The following ANK2 variants were observed in gnomAD, a reference collection of about 807,000 sequenced individuals.
ANK2 encodes the protein ankyrin-2.
ANK2 carries 83 observed loss-of-function variants against 360.5 expected under a neutral mutation model. The ratio of observed to expected loss-of-function variants is 0.23; its 90% confidence interval spans 0.19 to 0.28. The LOEUF (loss-of-function observed/expected upper bound fraction) is 0.28, where lower values mean the gene tolerates loss of function less well. Among genes scored for constraint, ANK2 ranks in the 10% least tolerant of loss-of-function variants. The pLI, the probability that ANK2 is intolerant of heterozygous loss-of-function variation, is 1.00. For missense variants in ANK2, 4,201 were observed against 4,795.7 expected (o/e 0.88, Z 3.66); for synonymous variants, 1,740 against 1,759.5 (o/e 0.99, Z 0.28).
intron 2 of ANK2, among the ~76,000 whole-genome samples, chr4:112,913,148 A>G: frequency 6.6e-6 from 1 of 152,224 alleles, no homozygotes; most frequent in East Asian, 1.9e-4. Context: ...TGCTAGGATC[A>G]ATCCCATTCT....
intron 2 of ANK2, among the ~76,000 whole-genome samples, chr4:112,968,455 T>C (rs1484974228): frequency 6.6e-6 from 1 of 152,252 alleles, no homozygotes; most frequent in Non-Finnish European, 1.5e-5. Context: ...GAATTGTTCA[T>C]GGAACTCTGG....
At chr4:113,031,176 T>C (rs1030087804) in intron 2 of ANK2, 8 of 152,072 alleles carry the variant, frequency 5.3e-5, no homozygotes, top group African/African-American at 1.7e-4. Context: ...TTAAAATATA[T>C]TACAAATTTT....
intron 1 of ANK2, among the ~76,000 whole-genome samples, chr4:113,150,727 C>T (rs1048244808): frequency 6.6e-6 from 1 of 152,174 alleles, no homozygotes; most frequent in Non-Finnish European, 1.5e-5. Flanking sequence ...GGGAAGTTCA[C>T]ACACTCAGTA....
chr4:113,111,614 A>G (rs2094309726), intron 1 of ANK2, among the ~76,000 whole-genome samples: 1 of 152,206 alleles, frequency 6.6e-6, no homozygotes, highest in African/African-American at 2.4e-5. Context: ...AAACACGGCA[A>G]TAAATAGAGG....
At chr4:112,961,366 G>A (rs1214393678) in intron 2 of ANK2, among the ~76,000 whole-genome samples, 1 of 151,946 alleles carries the variant, frequency 6.6e-6, no homozygotes, top group African/African-American at 2.4e-5. Flanking sequence ...ATTATTTATT[G>A]TTTCTATCTC....
chr4:113,367,328 C>T (rs2096572743), intron 41 of ANK2, among the ~76,000 whole-genome samples: 1 of 152,014 alleles, frequency 6.6e-6, no homozygotes, highest in Admixed American at 6.6e-5. Context: ...CATTGACTGG[C>T]ACCTATGACC....
chr4:112,959,121 A>T (rs2033236636), intron 2 of ANK2, among the ~76,000 whole-genome samples: 1 of 152,074 alleles, frequency 6.6e-6, no homozygotes, highest in African/African-American at 2.4e-5. Flanking sequence ...AAGTGCTGGG[A>T]TTACACACGT....
At chr4:113,254,023 G>C (rs567577703) in intron 10 of ANK2, among the ~76,000 whole-genome samples, 1 of 152,204 alleles carries the variant, frequency 6.6e-6, no homozygotes, top group East Asian at 1.9e-4. Context: ...CAATATATTT[G>C]CACTTGCCTT....
chr4:113,140,515 T>G (rs978403964), intron 1 of ANK2, among the ~76,000 whole-genome samples: 1 of 152,250 alleles, frequency 6.6e-6, no homozygotes, highest in African/African-American at 2.4e-5. Context: ...AGAGAAACTC[T>G]ACATGACCTT....
At chr4:112,934,442 C>G (rs543541226) in intron 2 of ANK2, among the ~76,000 whole-genome samples, 20 of 152,294 alleles carry the variant, frequency 1.3e-4, no homozygotes, top group Admixed American at 1.2e-3. Flanking sequence ...TCTCGACATT[C>G]TTTTCTTCTC....
chr4:113,151,717 G>T (rs1406145597), intron 1 of ANK2, among the ~76,000 whole-genome samples: 3 of 151,980 alleles, frequency 2.0e-5, no homozygotes, highest in Admixed American at 6.6e-5. Context: ...TTCTTGAATT[G>T]TTATTCTCTA....
chr4:113,185,786 T>G (rs549309909), intron 2 of ANK2, among the ~76,000 whole-genome samples: 1 of 152,376 alleles, frequency 6.6e-6, no homozygotes, highest in East Asian at 1.9e-4. Flanking sequence ...TCTTTGTCCA[T>G]GCCTATGTCC....
rs67221812 is a variant in ANK2, at chr4:113,213,955, A to ATT, written c.384+14857_384+14858dup. Reference sequence around the variant, plus strand: ...GAAACGACAAAATGCTGTTTTATTTATTTTTTTTTTTTATTTTTTTTTTAA... The same window carrying ATT: ...GAAACGACAAAATGCTGTTTTATTTATTTTTTTTTTTTTTATTTTTTTTTTAA... On this transcript the variant is annotated intron_variant, in intron 4 of 45. Transcript: ENST00000357077. 153 of 496,308 alleles carry ATT rather than the reference A, an allele frequency of 3.1e-4. 3 individuals carry two copies. The highest frequency in any genetic ancestry group is 1.5e-3 in the South Asian group (64 of 44,052). The allele number at this position is 496,308 out of a possible 1,614,324, so 30.7% of individuals were successfully genotyped here.
intron 1 of ANK2, among the ~76,000 whole-genome samples, chr4:113,081,842 G>A (rs373479083): frequency 3.4e-5 from 5 of 148,066 alleles, no homozygotes; most frequent in Non-Finnish European, 5.9e-5. Context: ...GGAGTTTTGC[G>A]CTTGTCAACT....
intron 3 of ANK2, 75 bp downstream of exon 3, chr4:113,196,541 T>A (rs1285080850): frequency 7.6e-7 from 1 of 1,314,356 alleles, no homozygotes; most frequent in African/African-American, 1.5e-5. Context: ...TTTTTATTTA[T>A]TTTTTAGACA....
the ANK2 span, among the ~76,000 whole-genome samples, chr4:112,772,329 T>C: frequency 6.6e-6 from 1 of 152,192 alleles, no homozygotes; most frequent in African/African-American, 2.4e-5. Flanking sequence ...ACTTATTTAC[T>C]ACTATGAGAA....
intron 2 of ANK2, among the ~76,000 whole-genome samples, chr4:112,941,467 TTATA>T (rs1232347628): frequency 2.1e-5 from 3 of 143,726 alleles, no homozygotes; most frequent in African/African-American, 5.0e-5. Flanking sequence ...AAATATATCT[TTATA>T]TATAGATATA....
rs1249480628 is a variant in ANK2 at position 113,357,671 on chromosome 4, C to A, written c.9053C>A (p.Thr3018Asn). The change falls in exon 38 of 46, where the codon ACT becomes AAT. Residue 3018 changes from threonine (T) to asparagine (N), a missense_variant. Around this residue, in one of 4 missense-constraint regions of ANK2, gnomAD observed 2,642 missense variants for 2,714.5 expected, o/e 0.97. Transcript: ENST00000357077. ...SDSVSSSFEPTMSATTTVVGE... is the reference protein window; with the variant it reads ...SDSVSSSFEPNMSATTTVVGE... ...AGTGTCTCTTCATCTTTCGAGCCTA[C>A]TATGTCCGCTACAACAACAGTTGTT... 1 of 1,614,050 alleles carries A rather than the reference C, an allele frequency of 6.2e-7. No homozygotes were observed. The highest frequency in any genetic ancestry group is 2.2e-5 in the East Asian group (1 of 44,896).
intron 1 of ANK2, among the ~76,000 whole-genome samples, chr4:113,141,870 T>A (rs72892069): frequency 0.011 from 1,746 of 152,286 alleles, 31 homozygotes; most frequent in African/African-American, 0.039. Context: ...ATCGCTTTTC[T>A]CTTATGATGG....
Sources: gnomAD v4.1 joint callset for allele counts (sites outside exome capture counted in the v4.1 genomes callset) on GRCh38, gnomAD v4.1.1 for gene constraint, gnomAD v4.1.1 regional missense constraint, MANE v1.5 for transcripts, NCBI Gene and HGNC (gene_info 2026-07-23, HGNC 2026-07-21) for gene names.